NMT2: variants seen among roughly 807,000 people sequenced by gnomAD.
NMT2 encodes the protein N-myristoyltransferase 2, also known as glycylpeptide N-tetradecanoyltransferase 2.
NMT2 carries 35 observed loss-of-function variants against 65.4 expected under a neutral mutation model. The ratio of observed to expected loss-of-function variants is 0.54; its 90% confidence interval spans 0.41 to 0.71. The LOEUF (loss-of-function observed/expected upper bound fraction) is 0.71, where lower values mean the gene tolerates loss of function less well. Among genes scored for constraint, NMT2 ranks in the 30% least tolerant of loss-of-function variants. NMT2 has a pLI of 0.00. For missense variants in NMT2, 489 were observed against 611.3 expected (o/e 0.80, Z 2.11); for synonymous variants, 226 against 231.8 (o/e 0.98, Z 0.23).
chr10:15,126,444 A>AG (rs1251418665), intron 8 of NMT2, among the ~76,000 whole-genome samples: 6 of 150,974 alleles, frequency 4.0e-5, no homozygotes, highest in Non-Finnish European at 8.9e-5. Flanking sequence ...AAAAAAAAAA[A>AG]AGAAATGGCA....
At chr10:15,113,660 C>A (rs1354783159) in intron 9 of NMT2, among the ~76,000 whole-genome samples, 1 of 152,046 alleles carries the variant, frequency 6.6e-6, no homozygotes, top group Non-Finnish European at 1.5e-5. Context: ...ATACTGTGTA[C>A]TATCTCACAC....
In NMT2 at chr10:15,109,835, C is replaced by T. The variant is rs748326015; in HGVS notation, c.1343G>A (p.Gly448Glu). ...SDALILAKSK[G>E]FDVFNALDLM... ...ATCCAGTGCATTGAATACATCAAATCCTTTCTGCCAATTTAAAAAAGATTT... is the reference window on the plus strand; with the variant it reads ...ATCCAGTGCATTGAATACATCAAATTCTTTCTGCCAATTTAAAAAAGATTT... The change falls in exon 11 of 12, where the codon GGA becomes GAA. Residue 448 changes from glycine to glutamate, a missense_variant. Physicochemically the swap from Gly to Glu is moderately conservative, Grantham distance 98. Transcript: ENST00000378165. The T allele has an allele frequency of 6.3e-7, 1 of 1,598,014 alleles. No individual in the cohort carries two copies. The highest frequency in any genetic ancestry group is 8.5e-7 in the Non-Finnish European group (1 of 1,175,298).
At position 15,107,557 on chromosome 10, in the gene NMT2, A is replaced by T. The variant is rs1164288986; in HGVS notation, c.*1638T>A. ...AACTTCCGCCTCCTGGGTTCAAGTG[A>T]TTCTCCTGCCTCAGCCTCCTAGCAG... On this transcript the variant is annotated 3_prime_UTR_variant, in exon 12 of 12. Transcript: ENST00000378165. 6 of 586,830 alleles carry T rather than the reference A, an allele frequency of 1.0e-5. No homozygotes were observed. The highest frequency in any genetic ancestry group is 1.3e-5 in the Non-Finnish European group (6 of 466,520). 36.4% of individuals were successfully genotyped at this position (586,830 alleles called of 1,614,324 possible).
chr10:15,156,959 A>G (rs188316647), intron 1 of NMT2, among the ~76,000 whole-genome samples: 1 of 152,162 alleles, frequency 6.6e-6, no homozygotes, highest in East Asian at 1.9e-4. Flanking sequence ...AACCAAAATA[A>G]GCACTCTGCT....
intron 1 of NMT2, among the ~76,000 whole-genome samples, chr10:15,160,339 G>GC (rs1833145395): frequency 6.6e-6 from 1 of 152,154 alleles, no homozygotes; most frequent in African/African-American, 2.4e-5. Flanking sequence ...AAGAAAAAGA[G>GC]CACCCTAAGG....
intron 6 of NMT2, 103 bp downstream of exon 6, chr10:15,132,714 C>CA: frequency 1.3e-6 from 1 of 785,040 alleles, no homozygotes; most frequent in Non-Finnish European, 2.1e-6. Flanking sequence ...AGGTGTGAGC[C>CA]ACTGCGCTTG....
At position 15,168,633 on chromosome 10, in the gene NMT2, A is replaced by AGGCGGTGCTCGGGGCCGGGCC. The variant is rs1299667182; in HGVS notation, c.-42_-22dup. Reference sequence around the variant, plus strand: ...GCCATCGCGGCGGCGCTGGCTGGGGAGGCGGTGCTCGGGGCCGGGCCGGAG... The same window carrying AGGCGGTGCTCGGGGCCGGGCC: ...GCCATCGCGGCGGCGCTGGCTGGGGAGGCGGTGCTCGGGGCCGGGCCGGCGGTGCTCGGGGCCGGGCCGGAG... On this transcript the variant is annotated 5_prime_UTR_variant, in exon 1 of 12. Coordinates refer to ENST00000378165, the MANE Select transcript of NMT2 (RefSeq NM_004808.3). 6.4e-7 allele frequency: 1 copy of AGGCGGTGCTCGGGGCCGGGCC among 1,563,614 alleles called. No individual in the cohort carries two copies. The highest frequency in any genetic ancestry group is 2.5e-5 in the East Asian group (1 of 40,428).
rs970614078 is a variant in NMT2, at chr10:15,108,870, T to C, written c.*325A>G. 9.0e-7 allele frequency: 1 copy of C among 1,109,368 alleles called. No individual in the cohort carries two copies. Among genetic ancestry groups the C allele is most frequent in the African/African-American group, 1.7e-5 (1 of 59,294 alleles). The allele number at this position is 1,109,368 out of a possible 1,614,324, so 68.7% of individuals were successfully genotyped here. A position where few individuals can be genotyped will look rare whatever the true frequency, so the allele number is the denominator to read the frequency against. On this transcript the variant is annotated 3_prime_UTR_variant, in exon 12 of 12. Coordinates refer to ENST00000378165, the MANE Select transcript of NMT2 (RefSeq NM_004808.3). ...TCTTACATGACTCTGTAACTTCTACTTAGTCCATAGAAAAACAGTCCCTTT... is the reference window on the plus strand; with the variant it reads ...TCTTACATGACTCTGTAACTTCTACCTAGTCCATAGAAAAACAGTCCCTTT...
At chr10:15,127,612 A>G (rs1245823373) in intron 8 of NMT2, among the ~76,000 whole-genome samples, 1 of 149,762 alleles carries the variant, frequency 6.7e-6, no homozygotes, top group East Asian at 1.9e-4. Flanking sequence ...AAATAAATAA[A>G]TAACTTTTCG....
chr10:15,148,544 G>A (rs1455909163), intron 1 of NMT2, among the ~76,000 whole-genome samples: 1 of 151,992 alleles, frequency 6.6e-6, no homozygotes, highest in Non-Finnish European at 1.5e-5. Flanking sequence ...AAAATGTGAG[G>A]ATAAAATGAA....
intron 5 of NMT2, 51 bp downstream of exon 5, chr10:15,133,002 T>A (rs758451000): frequency 2.5e-6 from 4 of 1,591,956 alleles, no homozygotes; most frequent in Admixed American, 1.7e-5. Flanking sequence ...GACGCAGGAG[T>A]CCCCAAGTCA....
chr10:15,152,182 T>A (rs902330339), intron 1 of NMT2, among the ~76,000 whole-genome samples: 1 of 151,964 alleles, frequency 6.6e-6, no homozygotes, highest in African/African-American at 2.4e-5. Flanking sequence ...AAGTCAAAGG[T>A]CAAAGACAAG....
At chr10:15,143,937 A>G (rs1846866886) in intron 1 of NMT2, among the ~76,000 whole-genome samples, 1 of 152,238 alleles carries the variant, frequency 6.6e-6, no homozygotes, top group Non-Finnish European at 1.5e-5. Flanking sequence ...GGGGATCTGG[A>G]GACATTTTAA....
rs1589315275 is a variant in NMT2, at chr10:15,130,201, C to A, written c.831G>T (p.Gly277=). The A allele has an allele frequency of 6.2e-7, 1 of 1,604,890 alleles. No homozygotes were observed. Among genetic ancestry groups the A allele is most frequent in the Non-Finnish European group, 8.5e-7 (1 of 1,174,860 alleles). ...CCGCGGTGTACACAGCCTGGAAGAT[C>A]CCTTCCAGGTTCACTCTTCTAGTGA... ...REITRRVNLE[G]IFQAVYTAGV... Residue 277 remains glycine, a synonymous_variant, in exon 7 of 12, where the codon GGG becomes GGT. Transcript: ENST00000378165.
At chr10:15,163,751 AAAG>A (rs1356237077) in intron 1 of NMT2, among the ~76,000 whole-genome samples, 34 of 152,368 alleles carry the variant, frequency 2.2e-4, no homozygotes, top group African/African-American at 7.7e-4. Flanking sequence ...CATAGTGCCC[AAAG>A]AAGAACTTCC....
chr10:15,106,073 C>A lies in NMT2; in HGVS notation c.*3122G>T. The A allele has an allele frequency of 2.8e-6, 1 of 354,638 alleles. No individual in the cohort carries two copies. Among genetic ancestry groups the A allele is most frequent in the Non-Finnish European group, 5.5e-6 (1 of 181,576 alleles). 22.0% of individuals were successfully genotyped at this position (354,638 alleles called of 1,614,324 possible). A position where few individuals can be genotyped will look rare whatever the true frequency, so the allele number is the denominator to read the frequency against. ...GCAGTGGTGTGATCCCGGCTCACTG[C>A]AACCCCGCCTCCTGGGTTCAAGCGA... On this transcript the variant is annotated 3_prime_UTR_variant, in exon 12 of 12. Transcript: ENST00000378165.
At chr10:15,136,243 A>AGGAAG (rs1338151502) in intron 2 of NMT2, among the ~76,000 whole-genome samples, 3 of 141,854 alleles carry the variant, frequency 2.1e-5, no homozygotes, top group African/African-American at 5.2e-5. Context: ...GGAAAGGGAA[A>AGGAAG]GGAAGGGAAG....
In NMT2 at chr10:15,127,559, A is replaced by AATAAAT. The variant is rs1554822273; in HGVS notation, c.999+790_999+791insATTTAT. Reference sequence around the variant, plus strand: ...GAGACTCCGTCTCAAAAAAAAAAAAAAAAAAAAAAAATAAATAAATAAATA... The same window carrying AATAAAT: ...GAGACTCCGTCTCAAAAAAAAAAAAAATAAATAAAAAAAAAAATAAATAAATAAATA... On this transcript the variant is annotated intron_variant, in intron 8 of 11. Coordinates refer to ENST00000378165, the MANE Select transcript of NMT2 (RefSeq NM_004808.3). Among the ~76,000 whole-genome samples, 10 of 98,136 alleles carry AATAAAT rather than the reference A, an allele frequency of 1.0e-4. 1 individual carries two copies. Among genetic ancestry groups the AATAAAT allele is most frequent in the African/African-American group, 8.9e-4 (10 of 11,280 alleles). 64.4% of individuals were successfully genotyped at this position (98,136 alleles called of 152,430 possible). A position where few individuals can be genotyped will look rare whatever the true frequency, so the allele number is the denominator to read the frequency against.
intron 1 of NMT2, 200 bp downstream of exon 1, chr10:15,168,303 G>T: frequency 6.5e-6 from 1 of 153,132 alleles, no homozygotes; most frequent in Non-Finnish European, 1.3e-5. Context: ...CGCCCACCCC[G>T]GGCCTCGCCT....
Sources: allele counts gnomAD v4.1 joint callset (sites outside exome capture counted in the v4.1 genomes callset), GRCh38; gene constraint gnomAD v4.1.1; transcripts MANE v1.5; gene names NCBI Gene and HGNC (gene_info 2026-07-23, HGNC 2026-07-21).